Variants in FARP1 observed in about 807,000 individuals in gnomAD.
FARP1 encodes FERM, ARH/RhoGEF and pleckstrin domain protein 1.
Under a neutral mutation model 128.8 loss-of-function variants are expected in FARP1, and 52 were observed. The observed-to-expected ratio is 0.40, with a 90% CI of 0.32 to 0.51. FARP1 has a LOEUF of 0.51. Among genes scored for constraint, FARP1 ranks in the 20% least tolerant of loss-of-function variants. FARP1 has a pLI of 0.45. For synonymous variants in FARP1, 580 were observed against 551.8 expected (o/e 1.05, Z -0.72); for missense variants, 1,333 against 1,367.9 (o/e 0.97, Z 0.40).
At chr13:98,232,710 A>T (rs1882202072) in intron 2 of FARP1, among the ~76,000 whole-genome samples, 1 of 152,210 alleles carries the variant, frequency 6.6e-6, no homozygotes, top group Non-Finnish European at 1.5e-5. Context: ...TGTGTGACTC[A>T]TTTTATTGAA....
chr13:98,223,486 G>A (rs1044853148), intron 2 of FARP1, among the ~76,000 whole-genome samples: 2 of 152,044 alleles, frequency 1.3e-5, no homozygotes, highest in Admixed American at 6.6e-5. Context: ...CACCATGCCC[G>A]GCTAATTTTT....
rs1348856862 is a variant in FARP1, at chr13:98,379,052, TATATATA to T, written c.496+1148_496+1154del. On this transcript the variant is annotated intron_variant, in intron 6 of 26. Coordinates refer to ENST00000319562, the MANE Select transcript of FARP1 (RefSeq NM_005766.4). ...TATATAATATATACAATATGTAATC[TATATATA>T]ATATATAATATATGTAATATGTAAT... 4.5e-5 allele frequency among the ~76,000 whole-genome samples: 4 copies of T among 88,676 alleles called. 1 individual carries two copies. Among genetic ancestry groups the T allele is most frequent in the East Asian group, 2.8e-4 (1 of 3,518 alleles). 58.2% of individuals were successfully genotyped at this position (88,676 alleles called of 152,430 possible).
At chr13:98,144,666 G>A (rs1175030102) in intron 1 of FARP1, among the ~76,000 whole-genome samples, 1 of 152,142 alleles carries the variant, frequency 6.6e-6, no homozygotes, top group Non-Finnish European at 1.5e-5. Context: ...GACTTGCGGA[G>A]CCCATTTCAG....
In FARP1 at chr13:98,452,318, C is replaced by A. The variant is rs116068967; in HGVS notation, c.*4001C>A. On this transcript the variant is annotated 3_prime_UTR_variant, in exon 27 of 27. Transcript: ENST00000319562. ...GGCACGATTCCAAACAAATGTCAGA[C>A]GAGAGCGCTTCATGGGGAGAAACTG... The A allele has an allele frequency of 6.6e-6, 1 of 152,374 alleles. No homozygotes were observed. Among genetic ancestry groups the A allele is most frequent in the Admixed American group, 6.5e-5 (1 of 15,272 alleles). 9.4% of individuals were successfully genotyped at this position (152,374 alleles called of 1,614,324 possible). A position where few individuals can be genotyped will look rare whatever the true frequency, so the allele number is the denominator to read the frequency against.
chr13:98,404,449 T>C (rs141962846), intron 13 of FARP1: 4 of 152,342 alleles, frequency 2.6e-5, no homozygotes, highest in African/African-American at 9.6e-5. Flanking sequence ...TCCTGCCTAT[T>C]CAGGAAGCTA....
chr13:98,155,347 A>C (rs998516303), intron 1 of FARP1, among the ~76,000 whole-genome samples: 2 of 144,202 alleles, frequency 1.4e-5, no homozygotes, highest in African/African-American at 5.1e-5. Context: ...CTGTCTCAAA[A>C]AAAAAAAAAA....
At chr13:98,276,831 C>G (rs1416436158) in intron 2 of FARP1, among the ~76,000 whole-genome samples, 2 of 152,148 alleles carry the variant, frequency 1.3e-5, no homozygotes, top group Non-Finnish European at 2.9e-5. Flanking sequence ...AGTCCTCCAC[C>G]CCTGCCACCC....
intron 2 of FARP1, chr13:98,328,985 G>A (rs193299772): frequency 3.8e-4 from 58 of 152,344 alleles, no homozygotes; most frequent in Non-Finnish European, 6.5e-4. Context: ...CTGACGATAA[G>A]GGAGGGGCCT....
At position 98,391,823 on chromosome 13, in the gene FARP1, CT is replaced by C. The variant is rs200316150; in HGVS notation, c.1088+944del. The stretch of plus-strand genomic sequence containing the variant: ...AGCCAGCCAGCTCCCAAGCCCAATG[CT>C]CCAAGGAGGAGCAGCAGAACCCAAG... On this transcript the variant is annotated intron_variant, in intron 11 of 26. Transcript: ENST00000319562. Among the ~76,000 whole-genome samples the C allele has an allele frequency of 2.6e-4, 40 of 152,308 alleles. No homozygotes were observed. The East Asian group carries it at 6.9e-3, about 26-fold the overall frequency.
At chr13:98,301,678 C>G (rs560136714) in intron 2 of FARP1, among the ~76,000 whole-genome samples, 2 of 152,166 alleles carry the variant, frequency 1.3e-5, no homozygotes, top group South Asian at 4.2e-4. Flanking sequence ...ATCGTATAAA[C>G]CTTTCGGGCT....
intron 2 of FARP1, among the ~76,000 whole-genome samples, chr13:98,236,991 CA>C (rs1882459612): frequency 6.6e-6 from 1 of 150,430 alleles, no homozygotes; most frequent in African/African-American, 2.5e-5. Flanking sequence ...GACTCTGTCT[CA>C]GGGGGAAAAA....
chr13:98,238,026 G>A (rs563564640), intron 2 of FARP1, among the ~76,000 whole-genome samples: 27 of 152,210 alleles, frequency 1.8e-4, no homozygotes, highest in Non-Finnish European at 3.7e-4. Flanking sequence ...AAAACTTAAG[G>A]CAAAAGGAAG....
At chr13:98,384,622 G>A (rs1214051746) in intron 6 of FARP1, 108 bp from the exon 7 acceptor site, 1 of 672,348 alleles carries the variant, frequency 1.5e-6, no homozygotes. Context: ...CCACCAACTG[G>A]GCTCACCTTA....
At chr13:98,227,012 C>G (rs1247226630) in intron 2 of FARP1, among the ~76,000 whole-genome samples, 2 of 151,912 alleles carry the variant, frequency 1.3e-5, no homozygotes. Context: ...ACGATCTCGG[C>G]TCACTGCAAG....
At position 98,232,517 on chromosome 13, in the gene FARP1, C is replaced by T. The variant is rs372441298; in HGVS notation, c.171+19104C>T. ...GAAGGTTGGTGGCAATTCTGCATTT[C>T]GCATGTCTATTGGCCCCATTTTTCC... is the stretch of plus-strand genomic sequence containing the variant. On this transcript the variant is annotated intron_variant, in intron 2 of 26. Coordinates refer to ENST00000319562, the MANE Select transcript of FARP1 (RefSeq NM_005766.4). Among the ~76,000 whole-genome samples the T allele has an allele frequency of 1.2e-4, 18 of 152,172 alleles. 1 individual carries two copies. The East Asian group carries it at 2.9e-3, about 24-fold the overall frequency.
intron 5 of FARP1, among the ~76,000 whole-genome samples, chr13:98,372,592 G>C (rs1889398437): frequency 6.6e-6 from 1 of 152,140 alleles, no homozygotes; most frequent in South Asian, 2.1e-4. Context: ...CTCTTAGACT[G>C]CAGGAGAATT....
intron 1 of FARP1, among the ~76,000 whole-genome samples, chr13:98,148,936 G>A (rs971490691): frequency 6.6e-6 from 1 of 151,922 alleles, no homozygotes; most frequent in African/African-American, 2.4e-5. Flanking sequence ...GCCCAGGCTG[G>A]AGTGCGGTGG....
At chr13:98,382,716 GC>G (rs1430639706) in intron 6 of FARP1, among the ~76,000 whole-genome samples, 1 of 152,078 alleles carries the variant, frequency 6.6e-6, no homozygotes, top group Non-Finnish European at 1.5e-5. Context: ...GTCAAACGAG[GC>G]AAAGCTCTGC....
Position 98,417,674 on chromosome 13 carries a change from G to A in FARP1, c.1826+5640G>A, listed in dbSNP as rs139943476. On this transcript the variant is annotated intron_variant, in intron 16 of 26. Transcript: ENST00000319562. ...TGGAGATCCCTCCAGGGCAGAGAGGGGGCTCTTTCAGGGATGGGACACTCT... is the reference window on the plus strand; with the variant it reads ...TGGAGATCCCTCCAGGGCAGAGAGGAGGCTCTTTCAGGGATGGGACACTCT... Among the ~76,000 whole-genome samples the A allele has an allele frequency of 5.3e-3, 809 of 152,144 alleles. 4 individuals carry two copies. The highest frequency in any genetic ancestry group is 0.019 in the African/African-American group (776 of 41,492).
Sources: gnomAD v4.1 joint callset for allele counts (sites outside exome capture counted in the v4.1 genomes callset) on GRCh38, gnomAD v4.1.1 for gene constraint, MANE v1.5 for transcripts, NCBI Gene and HGNC (gene_info 2026-07-23, HGNC 2026-07-21) for gene names.